FAM222B: variants seen among roughly 807,000 people sequenced by gnomAD.
FAM222B encodes the protein family with sequence similarity 222 member B.
FAM222B carries 12 observed loss-of-function variants against 38.0 expected under a neutral mutation model. That is an observed-to-expected ratio of 0.32 (90% CI 0.20 to 0.51). The LOEUF is 0.51. FAM222B is among the 20% of genes least tolerant of loss of function. The pLI is 0.97. For synonymous variants in FAM222B, 329 were observed against 317.2 expected (o/e 1.04, Z -0.40); for missense variants, 716 against 754.2 (o/e 0.95, Z 0.59).
chr17:28,802,150 G>C (rs150343259), intron 1 of FAM222B, among the ~76,000 whole-genome samples: 7 of 151,494 alleles, frequency 4.6e-5, no homozygotes, highest in African/African-American at 1.5e-4. Context: ...TGGTGTGATC[G>C]GCAATGGTGC....
intron 1 of FAM222B, among the ~76,000 whole-genome samples, chr17:28,842,226 C>T (rs2039064741): frequency 6.6e-6 from 1 of 152,084 alleles, no homozygotes; most frequent in Non-Finnish European, 1.5e-5. Context: ...AGCTCTTTTC[C>T]CTAGACCCCT....
intron 1 of FAM222B, among the ~76,000 whole-genome samples, chr17:28,778,103 G>GT (rs1407001628): frequency 2.9e-5 from 4 of 139,522 alleles, no homozygotes; most frequent in African/African-American, 1.1e-4. Context: ...TTATTTTACT[G>GT]TAAGTTCTGG....
At position 28,758,029 on chromosome 17, in the gene FAM222B, C is replaced by CA. The variant is rs1160033912; in HGVS notation, c.*240dup. ...CAAGGTGGAGAGACTAGCTGACAGG[C>CA]AGTCAGTGGAGAGAAAAGCCTGGGC... On this transcript the variant is annotated 3_prime_UTR_variant, in exon 3 of 3. Coordinates refer to ENST00000581407, the MANE Select transcript of FAM222B (RefSeq NM_001077498.3). The CA allele has an allele frequency of 9.6e-6, 4 of 414,722 alleles. No individual in the cohort carries two copies. The highest frequency in any genetic ancestry group is 4.0e-5 in the African/African-American group (2 of 49,708). The allele number at this position is 414,722 out of a possible 1,614,324, so 25.7% of individuals were successfully genotyped here. A position where few individuals can be genotyped will look rare whatever the true frequency, so the allele number is the denominator to read the frequency against.
chr17:28,767,011 G>A, intron 1 of FAM222B: 1 of 239,754 alleles, frequency 4.2e-6, no homozygotes. Flanking sequence ...GTATTCCTGA[G>A]GAGAGTGGGC....
At chr17:28,799,713 T>C (rs960679406) in intron 1 of FAM222B, among the ~76,000 whole-genome samples, 3 of 152,128 alleles carry the variant, frequency 2.0e-5, no homozygotes, top group Admixed American at 2.0e-4. Context: ...GCTCAAGTGA[T>C]CCTCCTGCCT....
intron 1 of FAM222B, among the ~76,000 whole-genome samples, chr17:28,814,155 G>A (rs554514039): frequency 6.6e-6 from 1 of 151,092 alleles, no homozygotes; most frequent in African/African-American, 2.4e-5. Context: ...ACTCCAGCCT[G>A]AGTGAGAGTA....
chr17:28,792,762 C>T (rs2036757208), intron 1 of FAM222B, among the ~76,000 whole-genome samples: 1 of 140,662 alleles, frequency 7.1e-6, no homozygotes, highest in Non-Finnish European at 1.5e-5. Flanking sequence ...GCCTGGGTGA[C>T]AGAGCGAGGC....
chr17:28,800,580 A>G (rs1307515711), intron 1 of FAM222B, among the ~76,000 whole-genome samples: 2 of 152,180 alleles, frequency 1.3e-5, no homozygotes, highest in Non-Finnish European at 2.9e-5. Flanking sequence ...ATAAAAATAT[A>G]TCTGGCTGAA....
At chr17:28,844,849 C>A (rs916937256), upstream of FAM222B, among the ~76,000 whole-genome samples, 3 of 152,014 alleles carry the variant, frequency 2.0e-5, no homozygotes, top group African/African-American at 7.3e-5. Context: ...GCCTGTAAAC[C>A]CAGCACTTTG....
intron 1 of FAM222B, among the ~76,000 whole-genome samples, chr17:28,799,510 A>C (rs949780486): frequency 1.4e-5 from 2 of 141,428 alleles, no homozygotes; most frequent in Admixed American, 7.0e-5. Context: ...GGGGTTTCAC[A>C]GTGTTCGCCA....
intron 1 of FAM222B, among the ~76,000 whole-genome samples, chr17:28,819,837 C>T (rs1231679100): frequency 6.6e-6 from 1 of 152,176 alleles, no homozygotes; most frequent in Non-Finnish European, 1.5e-5. Context: ...ACTGTCTTTG[C>T]TGTGAAAGCA....
At chr17:28,820,279 C>T (rs976962915) in intron 1 of FAM222B, among the ~76,000 whole-genome samples, 2 of 152,148 alleles carry the variant, frequency 1.3e-5, no homozygotes, top group Non-Finnish European at 2.9e-5. Flanking sequence ...TCAACAGATT[C>T]AAATTTCAAT....
In FAM222B at chr17:28,758,441, G is replaced by C. The variant is rs2034828480; in HGVS notation, c.1518C>G (p.Ser506Arg). 4 of 1,613,864 alleles carry C rather than the reference G, an allele frequency of 2.5e-6. No homozygotes were observed. In the East Asian group the frequency reaches 8.9e-5, roughly 36 times the overall value. The change falls in exon 3 of 3, where the codon AGC becomes AGG. Residue 506 changes from serine (S) to arginine (R), a missense_variant. Transcript: ENST00000581407. ...CCACTGTTTGCATCAAGCTGTTCTGGCTTGCCACTGGACCGCCCCCGGTCC... is the reference window on the plus strand; with the variant it reads ...CCACTGTTTGCATCAAGCTGTTCTGCCTTGCCACTGGACCGCCCCCGGTCC... The part of the protein sequence containing the change: ...RAGTGGGPVA[S>R]QNSLMQTVDY...
chr17:28,825,433 C>CA (rs935599439), intron 1 of FAM222B, among the ~76,000 whole-genome samples: 1,724 of 40,440 alleles, frequency 0.043, 25 homozygotes, highest in Non-Finnish European at 0.059. Flanking sequence ...GATCCCGTCT[C>CA]AAAAAAAAAA....
At chr17:28,770,148 C>T (rs2035553928) in intron 1 of FAM222B, among the ~76,000 whole-genome samples, 1 of 152,132 alleles carries the variant, frequency 6.6e-6, no homozygotes, top group Non-Finnish European at 1.5e-5. Flanking sequence ...CATCTCTCTC[C>T]ACCCCACTAG....
At chr17:28,766,540 C>G (rs770609932) in intron 2 of FAM222B, 46 bp downstream of exon 2, 2 of 1,521,282 alleles carry the variant, frequency 1.3e-6, no homozygotes, top group East Asian at 2.4e-5. Flanking sequence ...AATGTAGAGA[C>G]AAAAACAAAG....
chr17:28,789,908 A>G (rs2036587331), intron 1 of FAM222B, among the ~76,000 whole-genome samples: 1 of 152,196 alleles, frequency 6.6e-6, no homozygotes, highest in South Asian at 2.1e-4. Context: ...TAGAGAAGAC[A>G]TTGAGTGGGT....
At chr17:28,850,129 T>C (rs2039171195) in intron 1 of FAM222B, among the ~76,000 whole-genome samples, 6 of 151,970 alleles carry the variant, frequency 3.9e-5, no homozygotes. Context: ...TATTGTCCTA[T>C]TGTCATCACT....
chr17:28,780,419 T>C (rs1219223103), intron 1 of FAM222B, among the ~76,000 whole-genome samples: 1 of 152,170 alleles, frequency 6.6e-6, no homozygotes, highest in Middle Eastern at 3.4e-3. Flanking sequence ...TTCAGTTAAG[T>C]AGTAGCATAA....
Sources: gnomAD v4.1 joint callset for allele counts (sites outside exome capture counted in the v4.1 genomes callset) on GRCh38, gnomAD v4.1.1 for gene constraint, MANE v1.5 for transcripts, NCBI Gene and HGNC (gene_info 2026-07-23, HGNC 2026-07-21) for gene names.